The following ZNF766 variants were observed in gnomAD, a reference collection of about 807,000 sequenced individuals.
ZNF766 encodes zinc finger protein 766.
In ZNF766, 13 loss-of-function variants were observed where a neutral mutation model predicts 13.2. The ratio of observed to expected loss-of-function variants is 0.98; its 90% CI spans 0.64 to 1.56. The LOEUF is 1.56. Among genes scored for constraint, ZNF766 ranks in the 40% most tolerant of loss-of-function variants. The pLI, the probability that ZNF766 is intolerant of heterozygous loss-of-function variation, is 0.00. For synonymous variants in ZNF766, 178 were observed against 187.6 expected, an observed-to-expected ratio of 0.95 and a Z score of 0.42; for missense variants, 521 against 552.2, an observed-to-expected ratio of 0.94 and a Z score of 0.57.
chr19:52,277,512 G>C (rs777695398), intron 1 of ZNF766: 74 of 1,577,224 alleles, frequency 4.7e-5, no homozygotes, highest in Non-Finnish European at 6.0e-5. Context: ...GAAGAGGAAA[G>C]CAGAGGAGTC....
chr19:52,289,971 A>G, intron 3 of ZNF766, 95 bp from the exon 4 acceptor site: 1 of 1,342,920 alleles, frequency 7.4e-7, no homozygotes, highest in South Asian at 1.5e-5. Flanking sequence ...ACTGCACTCC[A>G]GCCTGGGTGG....
chr19:52,281,757 C>T, intron 1 of ZNF766: 1 of 480,166 alleles, frequency 2.1e-6, no homozygotes. Flanking sequence ...ACAAAATTAA[C>T]CCACAATTCT....
intron 1 of ZNF766, among the ~76,000 whole-genome samples, chr19:52,276,005 A>G (rs1474006417): frequency 6.6e-6 from 1 of 152,036 alleles, no homozygotes; most frequent in Non-Finnish European, 1.5e-5. Context: ...CTATATTTAG[A>G]TATGTTTTGA....
At chr19:52,272,822 G>T (rs1981032457) in intron 1 of ZNF766, among the ~76,000 whole-genome samples, 1 of 151,966 alleles carries the variant, frequency 6.6e-6, no homozygotes, top group South Asian at 2.1e-4. Context: ...GTGTTCAGTT[G>T]TCCCCTCACT....
intron 1 of ZNF766, among the ~76,000 whole-genome samples, chr19:52,272,053 A>C (rs1981002856): frequency 6.6e-6 from 1 of 151,992 alleles, no homozygotes; most frequent in Non-Finnish European, 1.5e-5. Flanking sequence ...TAAAATAAAA[A>C]ATATTCTATT....
chr19:52,286,314 TTTTC>T (rs908921033), intron 3 of ZNF766, among the ~76,000 whole-genome samples: 4 of 148,428 alleles, frequency 2.7e-5, no homozygotes, highest in East Asian at 3.9e-4. Context: ...TGTTGAGTGT[TTTTC>T]TTTCTTTTTT....
In ZNF766 at chr19:52,288,989, C is replaced by T. The variant is rs1981974377; in HGVS notation, c.275-1077C>T. Reference sequence around the variant, plus strand: ...TCAGCCTCCTGAGTAGCTGGGATTACAGGCGCACGCCACCACACCTGGCTA... The same window carrying T: ...TCAGCCTCCTGAGTAGCTGGGATTATAGGCGCACGCCACCACACCTGGCTA... On this transcript the variant is annotated intron_variant, in intron 3 of 3. Transcript: ENST00000439461. Among the ~76,000 whole-genome samples the T allele has an allele frequency of 2.6e-5, 4 of 151,806 alleles. No individual in the cohort carries two copies. In the South Asian group the frequency reaches 6.3e-4, roughly 24 times the overall value.
intron 1 of ZNF766, among the ~76,000 whole-genome samples, chr19:52,278,231 A>G (rs112656502): frequency 0.16 from 23,916 of 151,630 alleles, 2,005 homozygotes; most frequent in Middle Eastern, 0.24. Context: ...CCATCACGCC[A>G]GGCCTTTTCT....
At position 52,291,402 on chromosome 19, in the gene ZNF766, A is replaced by G. The variant is rs1982138108; in HGVS notation, c.*204A>G. ...AACAAGTCAAAATATGTTGAACCTA[A>G]TGATATGATGTGTATAAAGGGTGCA... On this transcript the variant is annotated 3_prime_UTR_variant, in exon 4 of 4. Transcript: ENST00000439461. 6 of 553,832 alleles carry G rather than the reference A, an allele frequency of 1.1e-5. No homozygotes were observed. Among genetic ancestry groups the G allele is most frequent in the Admixed American group, 3.5e-5 (1 of 28,504 alleles). 34.3% of individuals were successfully genotyped at this position (553,832 alleles called of 1,614,324 possible). A position where few individuals can be genotyped will look rare whatever the true frequency, so the allele number is the denominator to read the frequency against.
chr19:52,275,646 TATACC>T (rs1351609046), intron 1 of ZNF766: 1 of 151,630 alleles, frequency 6.6e-6, no homozygotes, highest in Non-Finnish European at 1.5e-5. Context: ...TTTAAACTCT[TATACC>T]ATATGACTAC....
Position 52,290,477 on chromosome 19 carries a change from G to A in ZNF766, c.686G>A (p.Gly229Asp). ...GGTAAAACCGTCAGGGACAAGTCAG[G>A]CCTCGCAGAACATTGGAGAATTCGT... ...ECGKTVRDKS[G>D]LAEHWRIRTG... Residue 229 changes from glycine to aspartate, a missense_variant, in exon 4 of 4, where the codon GGC (glycine) becomes GAC (aspartate). Transcript: ENST00000439461. 1 of 1,613,910 alleles carries A rather than the reference G, an allele frequency of 6.2e-7. No individual in the cohort carries two copies. The highest frequency in any genetic ancestry group is 8.5e-7 in the Non-Finnish European group (1 of 1,179,912).
chr19:52,271,406 TC>T (rs1246571627), intron 1 of ZNF766, among the ~76,000 whole-genome samples: 1 of 152,012 alleles, frequency 6.6e-6, no homozygotes, highest in African/African-American at 2.4e-5. Flanking sequence ...CGTGCACATT[TC>T]CATCTCAACC....
intron 1 of ZNF766, among the ~76,000 whole-genome samples, chr19:52,274,931 T>G (rs1013308939): frequency 2.0e-5 from 3 of 152,170 alleles, no homozygotes; most frequent in Admixed American, 6.5e-5. Flanking sequence ...CTTGACAAGC[T>G]CCTTAAAAGG....
chr19:52,286,860 T>TG (rs1242945020), intron 3 of ZNF766, among the ~76,000 whole-genome samples: 1 of 152,158 alleles, frequency 6.6e-6, no homozygotes, highest in Non-Finnish European at 1.5e-5. Context: ...TGTTTTAAGA[T>TG]GGAGTCTCAC....
At chr19:52,283,008 C>T (rs777998761) in intron 2 of ZNF766, among the ~76,000 whole-genome samples, 3 of 151,982 alleles carry the variant, frequency 2.0e-5, no homozygotes, top group Non-Finnish European at 2.9e-5. Context: ...CCCAGTAATG[C>T]GATTGCTGGG....
intron 3 of ZNF766, among the ~76,000 whole-genome samples, chr19:52,286,145 TAA>T (rs975698382): frequency 1.4e-4 from 19 of 132,870 alleles, no homozygotes; most frequent in African/African-American, 1.5e-4. Context: ...AGAGCTCAAT[TAA>T]AAAAAAAAAA....
At chr19:52,285,453 T>C (rs549062124) in intron 3 of ZNF766, among the ~76,000 whole-genome samples, 4 of 152,298 alleles carry the variant, frequency 2.6e-5, no homozygotes, top group African/African-American at 7.2e-5. Context: ...AATCCCATCT[T>C]TGGGCCCAAT....
intron 2 of ZNF766, 31 bp downstream of exon 2, chr19:52,282,268 T>C: frequency 1.3e-6 from 2 of 1,569,168 alleles, no homozygotes; most frequent in Non-Finnish European, 1.7e-6. Context: ...GAAGTTGGGG[T>C]CTGCCCTTAG....
In ZNF766 at chr19:52,290,915, G is replaced by C. The variant is rs755383163; in HGVS notation, c.1124G>C (p.Arg375Thr). The C allele has an allele frequency of 6.2e-7, 1 of 1,614,110 alleles. No homozygotes were observed. Among genetic ancestry groups the C allele is most frequent in the East Asian group, 2.2e-5 (1 of 44,878 alleles). ...AAGTTCTCCCTGACAGTTCATCAGA[G>C]AAATCATAATGGAGAGAAACCTTAT... is the stretch of plus-strand genomic sequence containing the variant. ...RHKFSLTVHQ[R>T]NHNGEKPYKC... The change falls in exon 4 of 4, where the codon AGA becomes ACA. Residue 375 changes from arginine to threonine, a missense_variant. Arg to Thr is a moderately conservative substitution (Grantham distance 71). Coordinates refer to ENST00000439461, the MANE Select transcript of ZNF766 (RefSeq NM_001010851.3).
Sources: allele counts gnomAD v4.1 joint callset (sites outside exome capture counted in the v4.1 genomes callset), GRCh38; gene constraint gnomAD v4.1.1; transcripts MANE v1.5; gene names NCBI Gene and HGNC (gene_info 2026-07-23, HGNC 2026-07-21).